Variants in ZMAT4 observed in about 807,000 individuals in gnomAD.
ZMAT4 encodes zinc finger matrin-type 4, also known as zinc finger matrin-type protein 4.
Under a neutral mutation model 28.7 loss-of-function variants are expected in ZMAT4, and 17 were observed. The ratio of observed to expected loss-of-function variants is 0.59; its 90% CI spans 0.41 to 0.89. ZMAT4 has a LOEUF of 0.89. ZMAT4 is among the 40% of genes least tolerant of loss of function. The pLI is 0.00. For missense variants in ZMAT4, 240 were observed against 283.8 expected (o/e 0.85, Z 1.11); for synonymous variants, 117 against 109.2 (o/e 1.07, Z -0.44).
At chr8:40,608,423 T>A (rs149817872) in intron 5 of ZMAT4, among the ~76,000 whole-genome samples, 2,042 of 152,268 alleles carry the variant, frequency 0.013, 28 homozygotes, top group South Asian at 0.044. Flanking sequence ...ATTCCCACTG[T>A]GGCCTCCCAA....
chr8:40,536,606 G>A (rs765228734), intron 6 of ZMAT4, among the ~76,000 whole-genome samples: 1 of 152,076 alleles, frequency 6.6e-6, no homozygotes, highest in Non-Finnish European at 1.5e-5. Flanking sequence ...GCTCTCACAT[G>A]TTGCCATGGT....
At chr8:40,849,103 G>A (rs759649604) in intron 1 of ZMAT4, among the ~76,000 whole-genome samples, 2 of 152,328 alleles carry the variant, frequency 1.3e-5, no homozygotes, top group South Asian at 2.1e-4. Flanking sequence ...AGAAGTTCCC[G>A]GGTCAGGCCT....
intron 1 of ZMAT4, among the ~76,000 whole-genome samples, chr8:40,859,236 C>T (rs17648065): frequency 0.11 from 16,535 of 152,190 alleles, 982 homozygotes; most frequent in Non-Finnish European, 0.14. Flanking sequence ...TGCAGAGGAG[C>T]CATCCCAGGT....
intron 1 of ZMAT4, among the ~76,000 whole-genome samples, chr8:40,860,907 G>T (rs754287596): frequency 1.2e-4 from 19 of 152,166 alleles, no homozygotes; most frequent in African/African-American, 4.3e-4. Flanking sequence ...ACCCACCATC[G>T]GGAAGGCCAA....
rs116472250 is a variant in ZMAT4, at chr8:40,558,772, T to G, written c.674+22393A>C. ...AACTGACTGAACGGGCTCCCGCTTC[T>G]TGGCCGAGGGGACCCCAGAGATCCC... On this transcript the variant is annotated intron_variant, in intron 6 of 6. Transcript: ENST00000297737. 9.0e-3 allele frequency among the ~76,000 whole-genome samples: 1,373 copies of G among 152,050 alleles called. 26 individuals carry two copies. The highest frequency in any genetic ancestry group is 0.032 in the African/African-American group (1,324 of 41,492).
chr8:40,846,971 C>A (rs1816924721), intron 1 of ZMAT4, among the ~76,000 whole-genome samples: 1 of 152,108 alleles, frequency 6.6e-6, no homozygotes, highest in Non-Finnish European at 1.5e-5. Flanking sequence ...CTTTGGGAGG[C>A]CAAGGCGGGC....
chr8:40,663,992 C>T (rs1445137181), intron 5 of ZMAT4, among the ~76,000 whole-genome samples: 1 of 152,132 alleles, frequency 6.6e-6, no homozygotes, highest in Admixed American at 6.6e-5. Context: ...GTTGAATCAT[C>T]GGTTTGAGAC....
chr8:40,660,189 A>G (rs774544073), intron 5 of ZMAT4, among the ~76,000 whole-genome samples: 92 of 152,318 alleles, frequency 6.0e-4, no homozygotes, highest in Non-Finnish European at 1.1e-3. Flanking sequence ...TAATGTAGAC[A>G]TCATACTCAC....
chr8:40,710,392 A>G (rs1441489035), intron 3 of ZMAT4, among the ~76,000 whole-genome samples: 1 of 152,186 alleles, frequency 6.6e-6, no homozygotes, highest in Non-Finnish European at 1.5e-5. Flanking sequence ...GTAGAAAAAG[A>G]GTGAGCAGAT....
intron 5 of ZMAT4, among the ~76,000 whole-genome samples, chr8:40,620,177 G>A (rs1442515065): frequency 6.6e-6 from 1 of 152,218 alleles, no homozygotes; most frequent in African/African-American, 2.4e-5. Flanking sequence ...TTGCTATAGG[G>A]TATGCGTACT....
In ZMAT4 at chr8:40,595,761, G is replaced by C. The variant is rs115991809; in HGVS notation, c.578-14500C>G. Among the ~76,000 whole-genome samples, 1,321 of 152,060 alleles carry C rather than the reference G, an allele frequency of 8.7e-3. 17 individuals carry two copies. Among genetic ancestry groups the C allele is most frequent in the African/African-American group, 0.03 (1,249 of 41,470 alleles). On this transcript the variant is annotated intron_variant, in intron 5 of 6. Coordinates refer to ENST00000297737, the MANE Select transcript of ZMAT4 (RefSeq NM_024645.3). ...CTTAGGGTGAGTCAGTGACTGAGTG[G>C]TAAGTATTTATGTAAAAAGTACTAT...
chr8:40,834,739 C>T lies in ZMAT4; in HGVS notation c.-4-9059G>A, dbSNP rs1816414577. On this transcript the variant is annotated intron_variant, in intron 1 of 6. Transcript: ENST00000297737. ...GAAGACAATGGCTCTGGCAGGCCCA[C>T]GTGTCATCCTTCTGGAACATCTCCT... Among the ~76,000 whole-genome samples the T allele has an allele frequency of 2.6e-5, 4 of 152,286 alleles. No individual in the cohort carries two copies. The South Asian group carries it at 6.2e-4, about 24-fold the overall frequency.
At chr8:40,758,998 G>A (rs547421550) in intron 3 of ZMAT4, among the ~76,000 whole-genome samples, 194 of 152,270 alleles carry the variant, frequency 1.3e-3, no homozygotes, top group African/African-American at 4.3e-3. Flanking sequence ...AGAAAAGCCA[G>A]TCTAGGCCAG....
At chr8:40,798,551 T>A (rs1432442275) in intron 2 of ZMAT4, among the ~76,000 whole-genome samples, 4 of 152,220 alleles carry the variant, frequency 2.6e-5, no homozygotes, top group African/African-American at 9.6e-5. Flanking sequence ...ACTTTCCATA[T>A]GCTGCATAAA....
At chr8:40,768,788 T>A (rs1813269072) in intron 2 of ZMAT4, among the ~76,000 whole-genome samples, 1 of 152,194 alleles carries the variant, frequency 6.6e-6, no homozygotes, top group South Asian at 2.1e-4. Context: ...ACCTCTCGAA[T>A]CTATTGTTCC....
At chr8:40,591,783 G>A (rs1375227827) in intron 5 of ZMAT4, among the ~76,000 whole-genome samples, 1 of 152,144 alleles carries the variant, frequency 6.6e-6, no homozygotes, top group East Asian at 1.9e-4. Context: ...TTTCCTAAGA[G>A]GATGAAAGGG....
intron 4 of ZMAT4, among the ~76,000 whole-genome samples, chr8:40,690,513 T>A (rs1809615343): frequency 6.6e-6 from 1 of 152,204 alleles, no homozygotes; most frequent in Non-Finnish European, 1.5e-5. Flanking sequence ...AAGATCTGCT[T>A]GTTTGACAAA....
intron 5 of ZMAT4, among the ~76,000 whole-genome samples, chr8:40,626,322 C>T (rs984089505): frequency 1.3e-5 from 2 of 152,012 alleles, no homozygotes; most frequent in Non-Finnish European, 2.9e-5. Context: ...TCTCAGAAAC[C>T]AATAGGAAAT....
chr8:40,737,525 G>T (rs1348567084), intron 3 of ZMAT4, among the ~76,000 whole-genome samples: 3 of 152,168 alleles, frequency 2.0e-5, no homozygotes, highest in Non-Finnish European at 4.4e-5. Flanking sequence ...TTGAATAATT[G>T]TTGGTATCAT....
Sources: allele counts gnomAD v4.1 joint callset (sites outside exome capture counted in the v4.1 genomes callset), GRCh38; gene constraint gnomAD v4.1.1; transcripts MANE v1.5; gene names NCBI Gene and HGNC (gene_info 2026-07-23, HGNC 2026-07-21).